Variants in GTPBP4 observed in about 807,000 individuals in gnomAD.
GTPBP4 encodes GTP binding protein 4.
In GTPBP4, 15 loss-of-function variants were observed where a neutral mutation model predicts 81.7. The ratio of observed to expected loss-of-function variants is 0.18; its 90% CI spans 0.12 to 0.28. GTPBP4 has a LOEUF of 0.28. Among genes scored for constraint, GTPBP4 ranks in the 10% least tolerant of loss-of-function variants. The pLI is 1.00. For missense variants in GTPBP4, 847 were observed against 793.8 expected, an observed-to-expected ratio of 1.07 and a Z score of -0.81; for synonymous variants, 272 against 274.6, an observed-to-expected ratio of 0.99 and a Z score of 0.09.
intron 16 of GTPBP4, 103 bp downstream of exon 16, chr10:1,015,999 CA>C (rs1831985931): frequency 3.7e-6 from 4 of 1,077,680 alleles, no homozygotes; most frequent in Non-Finnish European, 4.1e-6. Flanking sequence ...GGAACTATGG[CA>C]GGGGTTGTGT....
At chr10:990,785 T>TA (rs1831427706) in intron 1 of GTPBP4, among the ~76,000 whole-genome samples, 1 of 135,574 alleles carries the variant, frequency 7.4e-6, no homozygotes, top group African/African-American at 2.8e-5. Flanking sequence ...ATACTAGAAA[T>TA]AAAACATTGT....
chr10:991,358 G>A (rs1831438422), intron 1 of GTPBP4, among the ~76,000 whole-genome samples: 1 of 152,192 alleles, frequency 6.6e-6, no homozygotes, highest in Admixed American at 6.5e-5. Flanking sequence ...AATATTGTGT[G>A]GCTAGATACA....
At position 988,512 on chromosome 10, in the gene GTPBP4, G is replaced by A. The variant is rs1283661211; in HGVS notation, c.33G>A (p.Val11=). Residue 11 remains valine, a synonymous_variant, in exon 1 of 17, where the codon GTG becomes GTA. Transcript: ENST00000360803. The part of the protein sequence containing the change: MAHYNFKKIT[V]VPSAKDFIDL... ...ATTACAACTTCAAGAAAATTACGGT[G>A]GTGCCGTCCGCCAAGGTAGGCGGCC... The A allele has an allele frequency of 6.2e-7, 1 of 1,612,818 alleles. No homozygotes were observed. Among genetic ancestry groups the A allele is most frequent in the Non-Finnish European group, 8.5e-7 (1 of 1,179,422 alleles).
At position 1,012,631 on chromosome 10, in the gene GTPBP4, A is replaced by G; in HGVS notation, c.1511A>G (p.Gln504Arg). The part of the protein sequence containing the change: ...KILESKEKNT[Q>R]GPRMPRTAKK... Reference sequence around the variant, plus strand: ...CTGGAGTCCAAAGAAAAGAATACACAGGGACCCAGGATGCCGCGAACTGCT... The same window carrying G: ...CTGGAGTCCAAAGAAAAGAATACACGGGGACCCAGGATGCCGCGAACTGCT... The change falls in exon 14 of 17, where the codon CAG becomes CGG. Residue 504 changes from glutamine to arginine, a missense_variant. Physicochemically the swap from Gln to Arg is conservative, Grantham distance 43 (BLOSUM62 1). This residue lies in a region of GTPBP4 where 600 missense variants were observed against 557.1 expected (regional missense o/e 1.08). Coordinates refer to ENST00000360803, the MANE Select transcript of GTPBP4 (RefSeq NM_012341.3). 6.2e-7 allele frequency: 1 copy of G among 1,613,762 alleles called. No homozygotes were observed. The highest frequency in any genetic ancestry group is 8.5e-7 in the Non-Finnish European group (1 of 1,179,764).
Position 1,014,233 on chromosome 10 carries a change from T to C in GTPBP4, c.1543-14T>C. ...AACTAATTTAAAGCTAATATTTCTT[T>C]TTATCCTTCTCAGGTTCAGAGGACA... On this transcript the variant is annotated splice_polypyrimidine_tract_variant and intron_variant, in intron 14 of 16. Transcript: ENST00000360803. The C allele has an allele frequency of 6.5e-7, 1 of 1,542,270 alleles. No homozygotes were observed. The highest frequency in any genetic ancestry group is 9.0e-7 in the Non-Finnish European group (1 of 1,114,944).
At chr10:1,013,514 G>A (rs1030021311) in intron 14 of GTPBP4, among the ~76,000 whole-genome samples, 2 of 152,014 alleles carry the variant, frequency 1.3e-5, no homozygotes, top group Non-Finnish European at 2.9e-5. Context: ...GGAGGCTGGG[G>A]CAGGAAAATG....
chr10:1,012,381 G>C, intron 13 of GTPBP4, 84 bp from the exon 14 acceptor site: 1 of 909,740 alleles, frequency 1.1e-6, no homozygotes, highest in South Asian at 1.7e-5. Flanking sequence ...GGGAAACAAA[G>C]CTCCCATACA....
chr10:1,014,162 A>T (rs1831930616), intron 14 of GTPBP4, 85 bp from the exon 15 acceptor site: 1 of 779,060 alleles, frequency 1.3e-6, no homozygotes, highest in African/African-American at 1.7e-5. Flanking sequence ...GTTGCAAAAT[A>T]TGTATACATA....
chr10:1,010,873 CT>C (rs1388997796), intron 13 of GTPBP4, among the ~76,000 whole-genome samples: 1 of 143,766 alleles, frequency 7.0e-6, no homozygotes, highest in African/African-American at 2.6e-5. Context: ...CCCCTTCATT[CT>C]CCTGCATCCC....
chr10:1,007,886 A>C (rs1228583977), intron 10 of GTPBP4: 1 of 516,540 alleles, frequency 1.9e-6, no homozygotes, highest in African/African-American at 1.9e-5. Context: ...TGGCCTTTTC[A>C]AAGTTCTTTA....
rs558767970 is a variant in GTPBP4 at position 1,014,270 on chromosome 10, G to A, written c.1566G>A (p.Lys522=). 1 of 1,607,134 alleles carries A rather than the reference G, an allele frequency of 6.2e-7. No homozygotes were observed. The highest frequency in any genetic ancestry group is 8.5e-7 in the Non-Finnish European group (1 of 1,173,874). ...AKKVQRTVLE[K]EMRSLGVDMD... ...AGGTTCAGAGGACAGTTTTGGAGAA[G>A]GAGATGCGTAGTCTTGGTGTTGACA... The change falls in exon 15 of 17, where the codon AAG becomes AAA. Residue 522 remains lysine (K), a synonymous_variant. Transcript: ENST00000360803.
In GTPBP4 at chr10:1,009,197, A is replaced by G. The variant is rs552855672; in HGVS notation, c.1191+162A>G. 1.5e-4 allele frequency among the ~76,000 whole-genome samples: 23 copies of G among 152,296 alleles called. 1 individual carries two copies. In the South Asian group the frequency reaches 4.1e-3, roughly 27 times the overall value. On this transcript the variant is annotated intron_variant, in intron 11 of 16. Coordinates refer to ENST00000360803, the MANE Select transcript of GTPBP4 (RefSeq NM_012341.3). Reference sequence around the variant, plus strand: ...GAGTCCCCCTGCAGAAGCCTCTCTCATGGGGCTCTTTGGCCTGAGGGAAGA... The same window carrying G: ...GAGTCCCCCTGCAGAAGCCTCTCTCGTGGGGCTCTTTGGCCTGAGGGAAGA...
At position 999,109 on chromosome 10, in the gene GTPBP4, C is replaced by CTT; in HGVS notation, c.654+16_654+17dup. On this transcript the variant is annotated intron_variant, in intron 6 of 16. Transcript: ENST00000360803. ...CTACGTTGGCAGGTGAGAGTCTTGT[C>CTT]TTTATTTTTATTCATTTATTTATTT... 7.3e-7 allele frequency: 1 copy of CTT among 1,370,060 alleles called. No homozygotes were observed. The highest frequency in any genetic ancestry group is 2.3e-5 in the East Asian group (1 of 43,820). 84.9% of individuals were successfully genotyped at this position (1,370,060 alleles called of 1,614,324 possible).
chr10:1,010,093 G>A (rs1382697792), intron 12 of GTPBP4, among the ~76,000 whole-genome samples: 1 of 148,454 alleles, frequency 6.7e-6, no homozygotes, highest in Non-Finnish European at 1.5e-5. Flanking sequence ...CTCCACGTGT[G>A]GGTGTTGAAT....
Position 1,015,845 on chromosome 10 carries a change from TG to T in GTPBP4, c.1704del (p.Ser569ValfsTer18). The T allele has an allele frequency of 6.2e-7, 1 of 1,613,706 alleles. No homozygotes were observed. The highest frequency in any genetic ancestry group is 8.5e-7 in the Non-Finnish European group (1 of 1,179,646). On this transcript the variant is annotated frameshift_variant, in exon 16 of 17. Transcript: ENST00000360803. LOFTEE classifies it high-confidence loss of function. ...SAPPSSVARS[G>X]SCSRTPRDVS... ...CTCCCCCGTCCTCTGTGGCCCGGAG[TG>T]GGAGTTGCTCTCGAACTCCACGTGA...
chr10:1,004,062 T>A (rs1009319628), intron 8 of GTPBP4, among the ~76,000 whole-genome samples: 19 of 152,272 alleles, frequency 1.2e-4, no homozygotes, highest in Middle Eastern at 3.4e-3. Context: ...GGCACAGTCC[T>A]GGCCTGACTC....
Position 1,017,385 on chromosome 10 carries a change from G to A in GTPBP4, c.*158G>A, listed in dbSNP as rs1832012294. 1 of 596,582 alleles carries A rather than the reference G, an allele frequency of 1.7e-6. No homozygotes were observed. The highest frequency in any genetic ancestry group is 1.9e-5 in the African/African-American group (1 of 54,010). The allele number at this position is 596,582 out of a possible 1,614,324, so 37.0% of individuals were successfully genotyped here. On this transcript the variant is annotated 3_prime_UTR_variant, in exon 17 of 17. Coordinates refer to ENST00000360803, the MANE Select transcript of GTPBP4 (RefSeq NM_012341.3). ...TGAAAACTATGGTTAACCCTATATAGGTGTGGGAAATTTTTGTCACTGCAT... is the reference window on the plus strand; with the variant it reads ...TGAAAACTATGGTTAACCCTATATAAGTGTGGGAAATTTTTGTCACTGCAT...
chr10:1,009,570 G>C lies in GTPBP4; in HGVS notation c.1233G>C (p.Leu411Phe). Reference sequence around the variant, plus strand: ...TGGAAATGGGAGATGATTATATTTTGGATCTTCAGAGTAAGGGCCAGAGTG... The same window carrying C: ...TGGAAATGGGAGATGATTATATTTTCGATCTTCAGAGTAAGGGCCAGAGTG... ...LELEMGDDYILDLQKYWDLMN... is the reference protein window; with the variant it reads ...LELEMGDDYIFDLQKYWDLMN... Residue 411 changes from leucine (L) to phenylalanine (F), a missense_variant, in exon 12 of 17, where the codon TTG (leucine) becomes TTC (phenylalanine). Leu to Phe is a conservative substitution (Grantham distance 22). Transcript: ENST00000360803. 6.3e-7 allele frequency: 1 copy of C among 1,590,560 alleles called. No homozygotes were observed.
chr10:1,008,115 T>A (rs1831781194), intron 10 of GTPBP4: 2 of 454,802 alleles, frequency 4.4e-6, no homozygotes, highest in Non-Finnish European at 8.8e-6. Context: ...AAAGTCATTT[T>A]AAAAGTATCT....
Sources: allele counts gnomAD v4.1 joint callset (sites outside exome capture counted in the v4.1 genomes callset), GRCh38; gene constraint gnomAD v4.1.1; regional missense constraint gnomAD v4.1.1; transcripts MANE v1.5; gene names NCBI Gene and HGNC (gene_info 2026-07-23, HGNC 2026-07-21).